DDX21: variants seen among roughly 807,000 people sequenced by gnomAD.
DDX21 encodes DExD-box helicase 21, also known as nucleolar RNA helicase 2.
In DDX21, 18 loss-of-function variants were observed where a neutral mutation model predicts 90.0. The observed-to-expected ratio is 0.20, with a 90% confidence interval of 0.14 to 0.30. DDX21 has a LOEUF of 0.30. Among genes scored for constraint, DDX21 ranks in the 10% least tolerant of loss-of-function variants. The pLI, the probability that DDX21 is intolerant of heterozygous loss-of-function variation, is 1.00. For synonymous variants in DDX21, 294 were observed against 318.0 expected, an observed-to-expected ratio of 0.92 and a Z score of 0.80; for missense variants, 673 against 944.5, an observed-to-expected ratio of 0.71 and a Z score of 3.77.
intron 13 of DDX21, 124 bp from the exon 14 acceptor site, chr10:68,981,413 A>G: frequency 2.4e-6 from 2 of 830,496 alleles, no homozygotes; most frequent in Non-Finnish European, 3.9e-6. Context: ...ATCTAAAATT[A>G]TACCTGGTGG....
chr10:68,958,698 A>C (rs898237358), intron 1 of DDX21, among the ~76,000 whole-genome samples: 1 of 152,014 alleles, frequency 6.6e-6, no homozygotes, highest in Non-Finnish European at 1.5e-5. Flanking sequence ...TGGCCTCCCA[A>C]AGTCCTGAGA....
intron 6 of DDX21, among the ~76,000 whole-genome samples, chr10:68,968,654 C>A (rs1842976371): frequency 6.6e-6 from 1 of 152,272 alleles, no homozygotes; most frequent in East Asian, 1.9e-4. Context: ...AATGATTGGA[C>A]AAGAATTCTA....
intron 3 of DDX21, among the ~76,000 whole-genome samples, chr10:68,962,707 G>A (rs1842889348): frequency 6.6e-6 from 1 of 152,172 alleles, no homozygotes; most frequent in Non-Finnish European, 1.5e-5. Context: ...CCATATTAAT[G>A]TTTTATCTCT....
At chr10:68,957,144 CGTAAG>C (rs2132076577) in intron 1 of DDX21, among the ~76,000 whole-genome samples, 1 of 152,150 alleles carries the variant, frequency 6.6e-6, no homozygotes, top group South Asian at 2.1e-4. Context: ...TTTAAACTCT[CGTAAG>C]GGAAGTAGAG....
At chr10:68,959,532 A>G (rs1317122953) in intron 1 of DDX21, among the ~76,000 whole-genome samples, 1 of 152,118 alleles carries the variant, frequency 6.6e-6, no homozygotes, top group Admixed American at 6.6e-5. Context: ...GACCCACATG[A>G]GTTGAATAGT....
At chr10:68,963,981 T>G (rs1418900995) in intron 4 of DDX21, 1 of 246,630 alleles carries the variant, frequency 4.1e-6, no homozygotes, top group Non-Finnish European at 8.1e-6. Flanking sequence ...GCGCGTGTAG[T>G]CCCAACTACT....
rs1843034234 is a variant in DDX21 at position 68,972,051 on chromosome 10, A to G, written c.1547A>G (p.Lys516Arg). Residue 516 changes from lysine to arginine, a missense_variant and splice_region_variant, in exon 9 of 15, where the codon AAG (lysine) becomes AGG (arginine). This residue lies in a region of DDX21 where 26 missense variants were observed against 76.9 expected (regional missense o/e 0.34). Transcript: ENST00000354185. ...TTGGTTATACAAAGCTCTCCACCAA[A>G]GGTATGTGCTTTATGCTTAGATTTT... ...VDLVIQSSPP[K>R]DVESYIHRSG... 6.2e-7 allele frequency: 1 copy of G among 1,610,070 alleles called. No homozygotes were observed. The highest frequency in any genetic ancestry group is 1.1e-5 in the South Asian group (1 of 90,744).
chr10:68,978,193 A>C (rs1231646451), intron 12 of DDX21, among the ~76,000 whole-genome samples: 2 of 152,148 alleles, frequency 1.3e-5, no homozygotes, highest in African/African-American at 4.8e-5. Context: ...GAGGCAGAAA[A>C]TATGAGTGGT....
In DDX21 at chr10:68,962,066, G is replaced by C; in HGVS notation, c.532-16G>C. On this transcript the variant is annotated splice_polypyrimidine_tract_variant and intron_variant, in intron 2 of 14. Transcript: ENST00000354185. Reference sequence around the variant, plus strand: ...AGGTGATTATTGATTTCTTTCTATGGCCCTTTACTTGATAGGAAATACCTG... The same window carrying C: ...AGGTGATTATTGATTTCTTTCTATGCCCCTTTACTTGATAGGAAATACCTG... The C allele has an allele frequency of 6.3e-7, 1 of 1,594,340 alleles. No homozygotes were observed. The highest frequency in any genetic ancestry group is 2.2e-5 in the East Asian group (1 of 44,638).
At chr10:68,964,852 A>G (rs1842920726) in intron 4 of DDX21, among the ~76,000 whole-genome samples, 1 of 151,442 alleles carries the variant, frequency 6.6e-6, no homozygotes, top group African/African-American at 2.4e-5. Context: ...GACTTTCACC[A>G]TGTTGGCCAG....
At position 68,960,072 on chromosome 10, in the gene DDX21, G is replaced by A. The variant is rs1842852848; in HGVS notation, c.354G>A (p.Glu118=). The A allele has an allele frequency of 1.2e-6, 2 of 1,606,870 alleles. No homozygotes were observed. The highest frequency in any genetic ancestry group is 1.7e-5 in the Admixed American group (1 of 58,356). The change falls in exon 2 of 15, where the codon GAG becomes GAA. Residue 118 remains glutamate, a synonymous_variant. Coordinates refer to ENST00000354185, the MANE Select transcript of DDX21 (RefSeq NM_004728.4). ...AAACCAAAAAAGTGACAAAAAATGA[G>A]GAGCCTTCTGAGGAAGAAATAGATG... The part of the protein sequence containing the change: ...SSKTKKVTKN[E]EPSEEEIDAP...
rs770243676 is a variant in DDX21 at position 68,956,187 on chromosome 10, G to A, written c.-39G>A. 10 of 1,608,394 alleles carry A rather than the reference G, an allele frequency of 6.2e-6. No homozygotes were observed. In the East Asian group the frequency reaches 8.9e-5, roughly 14 times the overall value. ...GGAACTACCTCTTCCTCTCCACGCG[G>A]TTGAGAAGACCGGTCGGCCTGGGCA... On this transcript the variant is annotated 5_prime_UTR_variant, in exon 1 of 15. Transcript: ENST00000354185.
intron 4 of DDX21, among the ~76,000 whole-genome samples, chr10:68,965,111 C>T (rs971279636): frequency 2.0e-5 from 3 of 152,180 alleles, no homozygotes; most frequent in African/African-American, 7.2e-5. Flanking sequence ...GAAGGCTCTG[C>T]TCCTTCTTAG....
chr10:68,962,309 A>C, intron 3 of DDX21, 152 bp downstream of exon 3: 4 of 565,182 alleles, frequency 7.1e-6, no homozygotes, highest in Non-Finnish European at 1.2e-5. Flanking sequence ...TCAATTTAGT[A>C]CTATAGTAGT....
At chr10:68,970,474 A>G in intron 8 of DDX21, 124 bp downstream of exon 8, 2 of 890,840 alleles carry the variant, frequency 2.2e-6, no homozygotes, top group Non-Finnish European at 3.2e-6. Flanking sequence ...TTTAGAAATG[A>G]GAGGAAGCTA....
chr10:68,972,636 A>G (rs138103540), intron 9 of DDX21, among the ~76,000 whole-genome samples: 62 of 152,326 alleles, frequency 4.1e-4, no homozygotes, highest in Admixed American at 1.0e-3. Flanking sequence ...GAATTCACCA[A>G]TTCTTAAAAA....
chr10:68,960,074 A>G lies in DDX21; in HGVS notation c.356A>G (p.Glu119Gly), dbSNP rs781489820. Residue 119 changes from glutamate (E) to glycine (G), a missense_variant, in exon 2 of 15, where the codon GAG becomes GGG. Coordinates refer to ENST00000354185, the MANE Select transcript of DDX21 (RefSeq NM_004728.4). ...SKTKKVTKNEEPSEEEIDAPK... is the reference protein window; with the variant it reads ...SKTKKVTKNEGPSEEEIDAPK... ...ACCAAAAAAGTGACAAAAAATGAGGAGCCTTCTGAGGAAGAAATAGATGCT... is the reference window on the plus strand; with the variant it reads ...ACCAAAAAAGTGACAAAAAATGAGGGGCCTTCTGAGGAAGAAATAGATGCT... 4 of 1,607,270 alleles carry G rather than the reference A, an allele frequency of 2.5e-6. No individual in the cohort carries two copies. Among genetic ancestry groups the G allele is most frequent in the Non-Finnish European group, 3.4e-6 (4 of 1,178,650 alleles).
chr10:68,967,026 A>T lies in DDX21; in HGVS notation c.913A>T (p.Met305Leu). The stretch of plus-strand genomic sequence containing the variant: ...GTCATTGTTTTTTATAGTTGAACGC[A>T]TGAGGAATGGGATTGATATCCTGGT... ...GTPYGGQFER[M>L]RNGIDILVGT... The change falls in exon 6 of 15, where the codon ATG becomes TTG. Residue 305 changes from methionine to leucine, a missense_variant. By Grantham distance (15) the Met-to-Leu change is conservative. Coordinates refer to ENST00000354185, the MANE Select transcript of DDX21 (RefSeq NM_004728.4). 2 of 1,609,260 alleles carry T rather than the reference A, an allele frequency of 1.2e-6. No individual in the cohort carries two copies. Among genetic ancestry groups the T allele is most frequent in the Non-Finnish European group, 8.5e-7 (1 of 1,177,420 alleles).
At chr10:68,966,919 A>C in intron 5 of DDX21, 99 bp from the exon 6 acceptor site, 1 of 943,628 alleles carries the variant, frequency 1.1e-6, no homozygotes, top group Non-Finnish European at 1.5e-6. Context: ...GTAGGTATTT[A>C]ACAAATATTT....
Sources: allele counts gnomAD v4.1 joint callset (sites outside exome capture counted in the v4.1 genomes callset), GRCh38; gene constraint gnomAD v4.1.1; regional missense constraint gnomAD v4.1.1; transcripts MANE v1.5; gene names NCBI Gene and HGNC (gene_info 2026-07-23, HGNC 2026-07-21).